CELF2: variants seen among roughly 807,000 people sequenced by gnomAD.
CELF2 encodes the protein CUGBP Elav-like family member 2.
Under a neutral mutation model 62.6 loss-of-function variants are expected in CELF2, and 8 were observed. That is an observed-to-expected ratio of 0.13 (90% CI 0.07 to 0.23). The LOEUF is 0.23. CELF2 is among the 10% of genes least tolerant of loss of function. The pLI is 1.00. For synonymous variants in CELF2, 258 were observed against 250.0 expected, an observed-to-expected ratio of 1.03 and a Z score of -0.30; for missense variants, 333 against 671.0, an observed-to-expected ratio of 0.50 and a Z score of 5.56.
chr10:10,708,207 C>T, the CELF2 span, among the ~76,000 whole-genome samples: 1 of 152,120 alleles, frequency 6.6e-6, no homozygotes, highest in Admixed American at 6.5e-5. Flanking sequence ...TTGCACTGGC[C>T]TAGTCCACAA....
the CELF2 span, among the ~76,000 whole-genome samples, chr10:10,462,720 C>A: frequency 2.1e-5 from 3 of 140,908 alleles, no homozygotes; most frequent in Non-Finnish European, 4.5e-5. Context: ...GAGGGGTTAG[C>A]GTATAATGAA....
At chr10:11,107,763 T>G (rs1479685048) in intron 1 of CELF2, among the ~76,000 whole-genome samples, 1 of 149,750 alleles carries the variant, frequency 6.7e-6, no homozygotes, top group Admixed American at 6.6e-5. Flanking sequence ...TCATTCCCCC[T>G]TTTGCTTCCT....
chr10:10,767,175 G>A, the CELF2 span, among the ~76,000 whole-genome samples: 21 of 151,848 alleles, frequency 1.4e-4, no homozygotes, highest in Admixed American at 9.8e-4. Flanking sequence ...CAAGTCATTC[G>A]GTTGATCATA....
intron 3 of CELF2, among the ~76,000 whole-genome samples, chr10:11,238,215 CCTTT>C (rs2072293647): frequency 6.6e-6 from 1 of 152,178 alleles, no homozygotes; most frequent in Admixed American, 6.5e-5. Context: ...AAGATTATTA[CCTTT>C]CTCTTAATTT....
At chr10:10,535,483 G>C in the CELF2 span, among the ~76,000 whole-genome samples, 2 of 152,254 alleles carry the variant, frequency 1.3e-5, no homozygotes, top group South Asian at 4.2e-4. Context: ...ACTTTGGGAG[G>C]CCAAGGTGGG....
intron 2 of CELF2, among the ~76,000 whole-genome samples, chr10:11,184,214 T>A (rs916224879): frequency 6.6e-6 from 1 of 152,222 alleles, no homozygotes; most frequent in African/African-American, 2.4e-5. Flanking sequence ...TGTATATGTG[T>A]CAGTTTATTT....
chr10:10,765,654 C>A, the CELF2 span, among the ~76,000 whole-genome samples: 2 of 152,174 alleles, frequency 1.3e-5, no homozygotes, highest in Non-Finnish European at 2.9e-5. Context: ...GTTGAGGGAA[C>A]AACCGACTGC....
chr10:10,958,038 G>A (rs1023812689), intron 2 of CELF2, among the ~76,000 whole-genome samples: 13 of 152,148 alleles, frequency 8.5e-5, no homozygotes, highest in African/African-American at 2.2e-4. Flanking sequence ...TTCTTTAGGC[G>A]TAAGTAAGTG....
the CELF2 span, among the ~76,000 whole-genome samples, chr10:10,591,164 C>T: frequency 6.6e-6 from 1 of 151,952 alleles, no homozygotes; most frequent in Non-Finnish European, 1.5e-5. Flanking sequence ...ACCCCATAAC[C>T]TAGAAATTTC....
upstream of CELF2, among the ~76,000 whole-genome samples, chr10:11,004,380 C>G (rs1564345274): frequency 6.6e-6 from 1 of 151,752 alleles, no homozygotes; most frequent in Non-Finnish European, 1.5e-5. The surrounding 1 kb of genome is among the most constrained non-coding windows in gnomAD (Gnocchi z 5.0). Flanking sequence ...ACGGATTGCT[C>G]AGTCCTTAGC....
At chr10:10,611,993 A>C in the CELF2 span, among the ~76,000 whole-genome samples, 5 of 152,142 alleles carry the variant, frequency 3.3e-5, no homozygotes, top group Admixed American at 2.0e-4. Flanking sequence ...TATGTAGTTA[A>C]ATTTAGGAGA....
chr10:10,793,369 C>G, the CELF2 span, among the ~76,000 whole-genome samples: 1 of 152,104 alleles, frequency 6.6e-6, no homozygotes, highest in Non-Finnish European at 1.5e-5. Flanking sequence ...AGGATATGTA[C>G]AAAACACATT....
intron 1 of CELF2, among the ~76,000 whole-genome samples, chr10:10,814,584 G>A: frequency 6.6e-6 from 1 of 152,122 alleles, no homozygotes; most frequent in Non-Finnish European, 1.5e-5. Context: ...TCCATGACAG[G>A]CCATGCATCT....
chr10:11,311,174 T>C lies in CELF2; in HGVS notation c.977-2965T>C, dbSNP rs1207182251. 6.6e-6 allele frequency among the ~76,000 whole-genome samples: 1 copy of C among 152,170 alleles called. No individual in the cohort carries two copies. Among genetic ancestry groups the C allele is most frequent in the African/African-American group, 2.4e-5 (1 of 41,434 alleles). Reference sequence around the variant, plus strand: ...AGAAAACTACAAGGAAAACTGACTATCTCAAAACATAGTGCTGGGTAGGGC... The same window carrying C: ...AGAAAACTACAAGGAAAACTGACTACCTCAAAACATAGTGCTGGGTAGGGC... On this transcript the variant is annotated intron_variant, in intron 9 of 12. Coordinates refer to ENST00000633077, the MANE Select transcript of CELF2 (RefSeq NM_001326342.2). The surrounding 1 kb of genome is among the most constrained non-coding windows in gnomAD (Gnocchi z 4.7).
At chr10:11,180,489 C>T (rs918057634) in intron 2 of CELF2, among the ~76,000 whole-genome samples, 5 of 152,142 alleles carry the variant, frequency 3.3e-5, no homozygotes, top group South Asian at 2.1e-4. Flanking sequence ...TCGGTAAAAC[C>T]GACACCGTAC....
At chr10:10,944,093 G>A (rs910912003) in intron 2 of CELF2, 3 of 152,522 alleles carry the variant, frequency 2.0e-5, no homozygotes, top group Non-Finnish European at 2.9e-5. Flanking sequence ...TTTGAGCCTT[G>A]TAAGTCACTT....
chr10:10,782,785 T>G, the CELF2 span, among the ~76,000 whole-genome samples: 2 of 152,208 alleles, frequency 1.3e-5, no homozygotes, highest in Non-Finnish European at 2.9e-5. Context: ...TGATGTCAGC[T>G]AGGTTAGTCT....
chr10:11,250,332 T>G (rs890633689), intron 4 of CELF2, among the ~76,000 whole-genome samples: 5 of 152,184 alleles, frequency 3.3e-5, no homozygotes, highest in Non-Finnish European at 7.4e-5. Flanking sequence ...AACATAGATA[T>G]ATAAATAAAG....
rs564862064 is a variant in CELF2 at position 11,223,638 on chromosome 10, G to A, written c.354+6131G>A. Among the ~76,000 whole-genome samples, 48 of 152,320 alleles carry A rather than the reference G, an allele frequency of 3.2e-4. No homozygotes were observed. The highest frequency in any genetic ancestry group is 9.9e-4 in the African/African-American group (41 of 41,566). On this transcript the variant is annotated intron_variant, in intron 3 of 12. Transcript: ENST00000633077. This position sits in a 1 kb window ranked among gnomAD's most constrained non-coding sequence, Gnocchi z 5.1. ...GACAGAGAGTAGCAGGGGGAGCTCC[G>A]GAGGAGTCCTTGAGGGTGCAGAAGC...
Sources: allele counts gnomAD v4.1 joint callset (sites outside exome capture counted in the v4.1 genomes callset), GRCh38; gene constraint gnomAD v4.1.1; non-coding constraint Gnocchi (gnomAD v3.1); transcripts MANE v1.5; gene names NCBI Gene and HGNC (gene_info 2026-07-23, HGNC 2026-07-21).